The following RFWD3 variants were observed in gnomAD, a reference collection of about 807,000 sequenced individuals.
RFWD3 encodes the protein ring finger and WD repeat domain 3, also known as E3 ubiquitin-protein ligase RFWD3.
A neutral mutation model predicts 87.7 loss-of-function variants in RFWD3; 65 were observed. The ratio of observed to expected loss-of-function variants is 0.74; its 90% confidence interval spans 0.61 to 0.91. The LOEUF (loss-of-function observed/expected upper bound fraction) is 0.91, where lower values mean the gene tolerates loss of function less well. Ranked by LOEUF, RFWD3 falls within the 40% of genes least tolerant of loss-of-function variation. The pLI is 0.00. For missense variants in RFWD3, 1,078 were observed against 938.5 expected (o/e 1.15, Z -1.94); for synonymous variants, 433 against 352.8 (o/e 1.23, Z -2.55).
At chr16:74,655,801 C>T (rs991772836) in intron 2 of RFWD3, among the ~76,000 whole-genome samples, 1 of 152,168 alleles carries the variant, frequency 6.6e-6, no homozygotes, top group African/African-American at 2.4e-5. Context: ...GCTGGGATTA[C>T]AGGCGTGAGC....
At chr16:74,639,237 C>T (rs1451741361) in intron 6 of RFWD3, among the ~76,000 whole-genome samples, 2 of 152,068 alleles carry the variant, frequency 1.3e-5, no homozygotes, top group Non-Finnish European at 2.9e-5. Flanking sequence ...AGGGTTTCAC[C>T]ATGTTGCCCA....
Position 74,624,054 on chromosome 16 carries a change from A to G in RFWD3, c.2199T>C (p.Ser733=). Residue 733 remains serine (S), a synonymous_variant, in exon 13 of 13, where the codon AGT becomes AGC. Transcript: ENST00000361070. The part of the protein sequence containing the change: ...ANSALLWDAA[S]GSLLQDLQTD... The stretch of plus-strand genomic sequence containing the variant: ...TCTGTAGGTCCTGGAGCAACGAGCC[A>G]CTGGCAGCATCCCACAGCTAAAGAA... 6.2e-7 allele frequency: 1 copy of G among 1,614,022 alleles called. No homozygotes were observed. Among genetic ancestry groups the G allele is most frequent in the Non-Finnish European group, 8.5e-7 (1 of 1,179,980 alleles).
intron 10 of RFWD3, 84 bp downstream of exon 10, chr16:74,630,697 G>A (rs1597412636): frequency 8.2e-7 from 1 of 1,215,218 alleles, no homozygotes; most frequent in Non-Finnish European, 1.1e-6. Flanking sequence ...ACTAACTGTG[G>A]AACACCCACT....
intron 1 of RFWD3, among the ~76,000 whole-genome samples, chr16:74,665,760 T>C (rs973069397): frequency 6.6e-6 from 1 of 151,528 alleles, no homozygotes; most frequent in Admixed American, 6.6e-5. Flanking sequence ...TTCTTTCTTT[T>C]TTTGAGATGG....
chr16:74,627,521 G>A (rs562855007), intron 11 of RFWD3, among the ~76,000 whole-genome samples: 13 of 152,152 alleles, frequency 8.5e-5, no homozygotes, highest in South Asian at 6.2e-4. Flanking sequence ...AGCTGATTCC[G>A]TTATTTCCTG....
rs372652567 is a variant in RFWD3, at chr16:74,661,423, A to G, written c.27T>C (p.Asp9=). The G allele has an allele frequency of 5.2e-5, 83 of 1,611,360 alleles. No individual in the cohort carries two copies. In the African/African-American group the frequency reaches 8.1e-4, roughly 16 times the overall value. Residue 9 remains aspartate (D), a synonymous_variant, in exon 2 of 13, where the codon GAT becomes GAC. Transcript: ENST00000361070. MAHEAMEY[D]VQVQLNHAEQ... is the part of the protein sequence containing the mutation. The stretch of plus-strand genomic sequence containing the variant: ...CGGCATGATTTAACTGCACCTGAAC[A>G]TCATATTCCATTGCTTCATGAGCCA...
chr16:74,636,708 T>A, intron 7 of RFWD3, 131 bp from the exon 8 acceptor site: 1 of 725,918 alleles, frequency 1.4e-6, no homozygotes, highest in Non-Finnish European at 2.2e-6. Context: ...CCTAGAGAAC[T>A]GCAGAGTTTT....
chr16:74,645,333 T>C (rs1331758823), intron 4 of RFWD3, among the ~76,000 whole-genome samples: 1 of 152,246 alleles, frequency 6.6e-6, no homozygotes, highest in Non-Finnish European at 1.5e-5. Flanking sequence ...TAGCAATCTC[T>C]CTGCTAGAGA....
intron 2 of RFWD3, chr16:74,660,617 T>A (rs1041778144): frequency 1.2e-5 from 3 of 253,220 alleles, no homozygotes; most frequent in African/African-American, 6.7e-5. Context: ...TGCCAGTGAA[T>A]AATGAATTTG....
At chr16:74,629,534 G>A (rs1050588284) in intron 10 of RFWD3, among the ~76,000 whole-genome samples, 4 of 152,006 alleles carry the variant, frequency 2.6e-5, no homozygotes, top group South Asian at 2.1e-4. Flanking sequence ...TGGCACACGC[G>A]TATAGTCCCA....
rs750952709 is a variant in RFWD3, at chr16:74,652,089, C to T, written c.552G>A (p.Val184=). 3.1e-6 allele frequency: 5 copies of T among 1,613,964 alleles called. No individual in the cohort carries two copies. ...CTGGCAAGTCAGGCTGGGTCCTGCT[C>T]ACCTGAAAGTAAGCATCCAATGGTG... ...LRAPLDAYFQ[V]SRTQPDLPAT... is the part of the protein sequence containing the mutation. Residue 184 remains valine, a synonymous_variant, in exon 3 of 13, where the codon GTG becomes GTA. Coordinates refer to ENST00000361070, the MANE Select transcript of RFWD3 (RefSeq NM_018124.4).
chr16:74,628,542 A>G lies in RFWD3; in HGVS notation c.1879T>C (p.Trp627Arg). The change falls in exon 11 of 13, where the codon TGG (tryptophan) becomes CGG (arginine). Residue 627 changes from tryptophan to arginine, a missense_variant. By Grantham distance (101) the Trp-to-Arg change is moderately radical. Coordinates refer to ENST00000361070, the MANE Select transcript of RFWD3 (RefSeq NM_018124.4). ...FWEQKMDFSH[W>R]PHVLPLEPGG... Reference sequence around the variant, plus strand: ...GGCTCCAAGGGCAGCACATGAGGCCAATGAGAAAAGTCCATTTTCTGTTCC... The same window carrying G: ...GGCTCCAAGGGCAGCACATGAGGCCGATGAGAAAAGTCCATTTTCTGTTCC... The G allele has an allele frequency of 6.2e-7, 1 of 1,614,210 alleles. No homozygotes were observed. Among genetic ancestry groups the G allele is most frequent in the South Asian group, 1.1e-5 (1 of 91,088 alleles).
Position 74,632,668 on chromosome 16 carries a change from C to T in RFWD3, c.1432G>A (p.Gly478Ser), listed in dbSNP as rs1959138550. The T allele has an allele frequency of 6.2e-7, 1 of 1,613,838 alleles. No individual in the cohort carries two copies. The highest frequency in any genetic ancestry group is 8.5e-7 in the Non-Finnish European group (1 of 1,179,912). ...SPQASFLPGFGVKMLSTANMK... is the reference protein window; with the variant it reads ...SPQASFLPGFSVKMLSTANMK... ...TTGGCAGTACTCAACATCTTAACACCAAAGCCTGAAAAAGGCAAAATAGTA... is the reference window on the plus strand; with the variant it reads ...TTGGCAGTACTCAACATCTTAACACTAAAGCCTGAAAAAGGCAAAATAGTA... Residue 478 changes from glycine (G) to serine (S), a missense_variant, in exon 9 of 13, where the codon GGT (glycine) becomes AGT (serine). Transcript: ENST00000361070.
Position 74,651,924 on chromosome 16 carries a change from T to C in RFWD3, c.717A>G (p.Leu239=), listed in dbSNP as rs781771453. 13 of 1,613,718 alleles carry C rather than the reference T, an allele frequency of 8.1e-6. No individual in the cohort carries two copies. The highest frequency in any genetic ancestry group is 1.1e-5 in the Non-Finnish European group (13 of 1,179,806). ...DQAEESGAVI[L]EEQLAGVSAE... ...AAACCTGGGTAAAATACTGACCTTC[T>C]AAAATGACAGCTCCAGATTCCTCTG... Residue 239 remains leucine (L), a synonymous_variant, in exon 3 of 13, where the codon TTA becomes TTG. Coordinates refer to ENST00000361070, the MANE Select transcript of RFWD3 (RefSeq NM_018124.4).
chr16:74,630,858 C>T lies in RFWD3; in HGVS notation c.1677G>A (p.Leu559=). The part of the protein sequence containing the change: ...LDEANYIYAG[L]ANGSILVYDV... ...CATATACCAGAATTGAACCATTGGC[C>T]AGTCCAGCATAGATGTAGTTAGCCT... The change falls in exon 10 of 13, where the codon CTG becomes CTA. Residue 559 remains leucine, a synonymous_variant. Transcript: ENST00000361070. 9 of 1,614,042 alleles carry T rather than the reference C, an allele frequency of 5.6e-6. No homozygotes were observed. Among genetic ancestry groups the T allele is most frequent in the Admixed American group, 1.7e-5 (1 of 60,004 alleles).
At chr16:74,655,756 G>C (rs1354132401) in intron 2 of RFWD3, among the ~76,000 whole-genome samples, 2 of 151,908 alleles carry the variant, frequency 1.3e-5, no homozygotes, top group Non-Finnish European at 2.9e-5. Context: ...CCCATCTCCT[G>C]ACCTCGTGAT....
rs1322337193 is a variant in RFWD3 at position 74,628,456 on chromosome 16, C to G, written c.1965G>C (p.Arg655Ser). ...NSSRHCLVTY[R>S]PDKNHTTIRS... Reference sequence around the variant, plus strand: ...GGAGACCCCAGCACTACTTACCAGGCCTGTAGGTCACAAGACAGTGCCGGG... The same window carrying G: ...GGAGACCCCAGCACTACTTACCAGGGCTGTAGGTCACAAGACAGTGCCGGG... Residue 655 changes from arginine (R) to serine (S), a missense_variant, in exon 11 of 13, where the codon AGG becomes AGC. Arg to Ser is a moderately radical substitution (Grantham distance 110). Coordinates refer to ENST00000361070, the MANE Select transcript of RFWD3 (RefSeq NM_018124.4). 2 of 1,614,066 alleles carry G rather than the reference C, an allele frequency of 1.2e-6. No individual in the cohort carries two copies. The highest frequency in any genetic ancestry group is 1.7e-6 in the Non-Finnish European group (2 of 1,179,976).
intron 4 of RFWD3, among the ~76,000 whole-genome samples, chr16:74,645,034 CAT>C (rs1176726506): frequency 1.3e-5 from 2 of 152,150 alleles, no homozygotes; most frequent in East Asian, 1.9e-4. Context: ...ATATTTAACT[CAT>C]GTGTACCAGA....
intron 2 of RFWD3, among the ~76,000 whole-genome samples, chr16:74,658,766 A>G (rs998357359): frequency 2.9e-5 from 4 of 139,504 alleles, no homozygotes; most frequent in Non-Finnish European, 4.7e-5. Flanking sequence ...AGATTCTATA[A>G]TTTTTTTTTT....
Sources: gnomAD v4.1 joint callset for allele counts (sites outside exome capture counted in the v4.1 genomes callset) on GRCh38, gnomAD v4.1.1 for gene constraint, MANE v1.5 for transcripts, NCBI Gene and HGNC (gene_info 2026-07-23, HGNC 2026-07-21) for gene names.